The following PECAM1 variants were observed in gnomAD, a reference collection of about 807,000 sequenced individuals.
The protein encoded by PECAM1 is platelet and endothelial cell adhesion molecule 1.
PECAM1 carries 8 observed loss-of-function variants against 13.8 expected under a neutral mutation model. That is an observed-to-expected ratio of 0.58 (90% confidence interval 0.34 to 1.05). PECAM1 has a LOEUF of 1.05. Ranked by LOEUF, PECAM1 falls within the 50% of genes least tolerant of loss-of-function variation. PECAM1 has a pLI of 0.03. For missense variants in PECAM1, 304 were observed against 141.2 expected, an observed-to-expected ratio of 2.15 and a Z score of -5.84; for synonymous variants, 136 against 52.6, an observed-to-expected ratio of 2.58 and a Z score of -6.86.
chr17:64,347,675 C>T (rs1169449644), intron 13 of PECAM1, among the ~76,000 whole-genome samples: 1 of 21,036 alleles, frequency 4.8e-5, no homozygotes, highest in Non-Finnish European at 2.8e-4. Flanking sequence ...ACAAAGAAAA[C>T]ATATATATTA....
intron 13 of PECAM1, among the ~76,000 whole-genome samples, chr17:64,342,478 G>T (rs2035459020): frequency 6.6e-6 from 1 of 152,226 alleles, no homozygotes. Flanking sequence ...GAGCCTGGGG[G>T]TTGTCAGTGA....
At chr17:64,337,909 T>G (rs1475489455) in intron 14 of PECAM1, among the ~76,000 whole-genome samples, 3 of 148,672 alleles carry the variant, frequency 2.0e-5, no homozygotes, top group Non-Finnish European at 4.5e-5. Context: ...AAACTACTTC[T>G]TCCTTTTTTT....
In PECAM1 at chr17:64,341,641, A is replaced by C. The variant is rs2035433562; in HGVS notation, c.2157T>G (p.Ala719=). The C allele has an allele frequency of 2.2e-6, 1 of 453,648 alleles. No individual in the cohort carries two copies. The highest frequency in any genetic ancestry group is 4.0e-6 in the Non-Finnish European group (1 of 248,746). The allele number at this position is 453,648 out of a possible 1,614,324, so 28.1% of individuals were successfully genotyped here. Residue 719 remains alanine (A), a synonymous_variant, in exon 14 of 16, where the codon GCT becomes GCG. Coordinates refer to ENST00000563924, the MANE Select transcript of PECAM1 (RefSeq NM_000442.5). ...CTGGAGACCCTCACTCACCAGGGAC[A>C]GCTTTCCGGACTTCACTGTACACTG... ...TETVYSEVRK[A]VPDAVESRYS...
rs1423752834 is a variant in PECAM1 at position 64,374,610 on chromosome 17, C to T, written c.691+441G>A. ...ACCAGCCTGGCCAACATGACGAAACCCCATCTCTACTAAAGATACAAAAAT... is the reference window on the plus strand; with the variant it reads ...ACCAGCCTGGCCAACATGACGAAACTCCATCTCTACTAAAGATACAAAAAT... On this transcript the variant is annotated intron_variant, in intron 4 of 15. Transcript: ENST00000563924. 1.3e-5 allele frequency among the ~76,000 whole-genome samples: 2 copies of T among 151,990 alleles called. 1 individual carries two copies. The highest frequency in any genetic ancestry group is 2.9e-5 in the Non-Finnish European group (2 of 67,986).
At chr17:64,384,619 T>C (rs2036553511) in intron 2 of PECAM1, among the ~76,000 whole-genome samples, 1 of 152,176 alleles carries the variant, frequency 6.6e-6, no homozygotes, top group Non-Finnish European at 1.5e-5. Context: ...CTCCAGCCCA[T>C]AGCCACAGGA....
At chr17:64,339,233 A>G (rs1261287196) in intron 14 of PECAM1, among the ~76,000 whole-genome samples, 1 of 152,058 alleles carries the variant, frequency 6.6e-6, no homozygotes, top group Non-Finnish European at 1.5e-5. Context: ...AGTACACCTC[A>G]GTGATCAAGA....
Position 64,328,336 on chromosome 17 carries a change from G to A in PECAM1, c.2187+1364C>T, listed in dbSNP as rs1325284393. Among the ~76,000 whole-genome samples the A allele has an allele frequency of 7.9e-5, 12 of 152,224 alleles. No homozygotes were observed. In the East Asian group the frequency reaches 2.3e-3, roughly 29 times the overall value. On this transcript the variant is annotated intron_variant, in intron 15 of 15. Coordinates refer to ENST00000563924, the MANE Select transcript of PECAM1 (RefSeq NM_000442.5). ...ACTCTCTCAAAGCCATTATTGCTGG[G>A]ACAGCAACTTCACATCTTGGAGGGA...
rs889379034 is a variant in PECAM1, at chr17:64,353,559, A to G, written c.1889-41T>C. 1,148 of 460,544 alleles carry G rather than the reference A, an allele frequency of 2.5e-3. 3 individuals are homozygous for G. The highest frequency in any genetic ancestry group is 3.1e-3 in the Non-Finnish European group (791 of 251,862). 28.5% of individuals were successfully genotyped at this position (460,544 alleles called of 1,614,324 possible). A position where few individuals can be genotyped will look rare whatever the true frequency, so the allele number is the denominator to read the frequency against. Reference sequence around the variant, plus strand: ...CGAAAAACCAAAGTCAGTATACAGTACCCACATCCATACCACTATAATGGC... The same window carrying G: ...CGAAAAACCAAAGTCAGTATACAGTGCCCACATCCATACCACTATAATGGC... On this transcript the variant is annotated intron_variant, in intron 9 of 15. Coordinates refer to ENST00000563924, the MANE Select transcript of PECAM1 (RefSeq NM_000442.5).
chr17:64,343,546 C>T (rs2035486487), intron 13 of PECAM1, among the ~76,000 whole-genome samples: 3 of 152,194 alleles, frequency 2.0e-5, no homozygotes. Context: ...TAGGCTTGCT[C>T]AGCTGCCTGG....
intron 8 of PECAM1, among the ~76,000 whole-genome samples, chr17:64,355,306 CTTTCTTTTTT>C (rs2035821238): frequency 6.6e-6 from 1 of 152,124 alleles, no homozygotes; most frequent in Non-Finnish European, 1.5e-5. Context: ...TTTTCTTTTT[CTTTCTTTTTT>C]GAAACAGGGT....
chr17:64,344,969 G>A (rs1487234975), intron 13 of PECAM1, among the ~76,000 whole-genome samples: 1 of 152,142 alleles, frequency 6.6e-6, no homozygotes, highest in Non-Finnish European at 1.5e-5. Flanking sequence ...GAGGGCACAT[G>A]CTGACCGCCT....
chr17:64,387,265 A>G (rs1266929069), intron 2 of PECAM1, among the ~76,000 whole-genome samples: 3 of 152,148 alleles, frequency 2.0e-5, no homozygotes, highest in African/African-American at 4.8e-5. Context: ...CCTCAGCAAG[A>G]GGAGACCCAA....
Position 64,336,772 on chromosome 17 carries a change from C to G in PECAM1, c.2164+4862G>C, listed in dbSNP as rs938551583. Among the ~76,000 whole-genome samples the G allele has an allele frequency of 2.6e-4, 40 of 151,948 alleles. No homozygotes were observed. In the South Asian group the frequency reaches 8.1e-3, roughly 31 times the overall value. On this transcript the variant is annotated intron_variant, in intron 14 of 15. Transcript: ENST00000563924. ...TCTCCAGAGGCTGAGGCGGGAGGAT[C>G]GCTTGAGCCCAGGAGGTGGAGGCTG...
At chr17:64,386,722 A>G (rs1403379183) in intron 2 of PECAM1, among the ~76,000 whole-genome samples, 5 of 152,158 alleles carry the variant, frequency 3.3e-5, no homozygotes, top group Non-Finnish European at 7.3e-5. Context: ...GCTTCAGCCC[A>G]GGAGTTTGAG....
At chr17:64,371,717 C>G (rs1159782988) in intron 4 of PECAM1, among the ~76,000 whole-genome samples, 1 of 152,088 alleles carries the variant, frequency 6.6e-6, no homozygotes, top group Non-Finnish European at 1.5e-5. Context: ...GTAATGCCAG[C>G]TACTCAGGAG....
chr17:64,384,181 G>A (rs1218774852), intron 2 of PECAM1, among the ~76,000 whole-genome samples: 4 of 152,104 alleles, frequency 2.6e-5, no homozygotes, highest in South Asian at 2.1e-4. Flanking sequence ...GCACTGGCAG[G>A]AACACCACAT....
intron 14 of PECAM1, among the ~76,000 whole-genome samples, chr17:64,338,801 C>T (rs1474833199): frequency 5.9e-5 from 9 of 152,140 alleles, no homozygotes; most frequent in African/African-American, 2.2e-4. Flanking sequence ...TCAGGTGATC[C>T]ACCCGCCTCG....
rs782084348 is a variant in PECAM1 at position 64,329,690 on chromosome 17, G to C, written c.2187+10C>G. 2.0e-5 allele frequency: 15 copies of C among 763,338 alleles called. No individual in the cohort carries two copies. The highest frequency in any genetic ancestry group is 3.4e-5 in the Non-Finnish European group (14 of 409,290). 47.3% of individuals were successfully genotyped at this position (763,338 alleles called of 1,614,324 possible). ...CTTTTAAATATAATGTATATGAAAT[G>C]TGTACTTACAGAGTATCTGCTTTCC... On this transcript the variant is annotated intron_variant, in intron 15 of 15. Transcript: ENST00000563924.
intron 4 of PECAM1, among the ~76,000 whole-genome samples, chr17:64,371,833 A>G (rs1297070416): frequency 2.6e-5 from 4 of 152,162 alleles, no homozygotes; most frequent in African/African-American, 9.7e-5. Flanking sequence ...CCATCTCAAA[A>G]ATAAATAAAT....
Sources: gnomAD v4.1 joint callset for allele counts (sites outside exome capture counted in the v4.1 genomes callset) on GRCh38, gnomAD v4.1.1 for gene constraint, MANE v1.5 for transcripts, NCBI Gene and HGNC (gene_info 2026-07-23, HGNC 2026-07-21) for gene names.